The following SSBP2 variants were observed in gnomAD, a reference collection of about 807,000 sequenced individuals.
The protein encoded by SSBP2 is single stranded DNA binding protein 2.
In SSBP2, 17 loss-of-function variants were observed where a neutral mutation model predicts 61.8. The observed-to-expected ratio is 0.28, with a 90% CI of 0.19 to 0.41. SSBP2 has a LOEUF of 0.41. Ranked by LOEUF, SSBP2 falls within the 10% of genes least tolerant of loss-of-function variation. SSBP2 has a pLI of 1.00. For missense variants in SSBP2, 310 were observed against 458.7 expected, an observed-to-expected ratio of 0.68 and a Z score of 2.96; for synonymous variants, 139 against 141.3, an observed-to-expected ratio of 0.98 and a Z score of 0.12.
intron 4 of SSBP2, among the ~76,000 whole-genome samples, chr5:81,535,143 A>AT (rs1324171100): frequency 2.6e-5 from 4 of 152,088 alleles, no homozygotes; most frequent in Non-Finnish European, 5.9e-5. Context: ...AACAAACAAA[A>AT]TTTGACATAA....
At chr5:81,488,081 T>C (rs950242799) in intron 6 of SSBP2, among the ~76,000 whole-genome samples, 14 of 123,636 alleles carry the variant, frequency 1.1e-4, no homozygotes, top group Non-Finnish European at 2.0e-4. Flanking sequence ...ATATATTATA[T>C]ATATACACAC....
At chr5:81,584,099 A>G (rs1352020426) in intron 4 of SSBP2, among the ~76,000 whole-genome samples, 3 of 152,200 alleles carry the variant, frequency 2.0e-5, no homozygotes, top group South Asian at 2.1e-4. Context: ...TGGAGAGAAG[A>G]CAATAAATTA....
chr5:81,721,283 G>A (rs1365169463), intron 1 of SSBP2, among the ~76,000 whole-genome samples: 1 of 151,878 alleles, frequency 6.6e-6, no homozygotes, highest in African/African-American at 2.4e-5. Context: ...AGAATCACAC[G>A]ACCTAAAAAT....
At chr5:81,708,288 T>C (rs1754537579) in intron 1 of SSBP2, among the ~76,000 whole-genome samples, 3 of 152,156 alleles carry the variant, frequency 2.0e-5, no homozygotes, top group Non-Finnish European at 4.4e-5. Flanking sequence ...ATGAAAGAGT[T>C]ATGCATATAG....
intron 5 of SSBP2, among the ~76,000 whole-genome samples, chr5:81,501,995 C>T (rs1011757468): frequency 1.3e-5 from 2 of 152,122 alleles, no homozygotes; most frequent in African/African-American, 4.8e-5. Flanking sequence ...TAAGAGCCAA[C>T]ATTTCACTCC....
At chr5:81,746,652 G>A (rs11957669) in intron 1 of SSBP2, among the ~76,000 whole-genome samples, 7,896 of 152,032 alleles carry the variant, frequency 0.052, 652 homozygotes, top group African/African-American at 0.18. Flanking sequence ...ATAAGCATAT[G>A]GTATTTGCTT....
chr5:81,601,730 A>G (rs951949148), intron 4 of SSBP2, among the ~76,000 whole-genome samples: 2 of 152,168 alleles, frequency 1.3e-5, no homozygotes, highest in African/African-American at 4.8e-5. Context: ...CATAATCACC[A>G]AAGCATCTTC....
intron 4 of SSBP2, among the ~76,000 whole-genome samples, chr5:81,614,098 C>A (rs562480268): frequency 1.3e-5 from 2 of 152,190 alleles, no homozygotes; most frequent in African/African-American, 4.8e-5. Flanking sequence ...CGGTGGCTCA[C>A]GCCTGTAATC....
intron 3 of SSBP2, among the ~76,000 whole-genome samples, chr5:81,636,201 T>C (rs779633670): frequency 2.0e-5 from 3 of 152,178 alleles, no homozygotes; most frequent in Non-Finnish European, 4.4e-5. Context: ...CACCAGAAAC[T>C]GATCATCCTG....
At chr5:81,698,326 T>G (rs1471953972) in intron 1 of SSBP2, among the ~76,000 whole-genome samples, 1 of 152,236 alleles carries the variant, frequency 6.6e-6, no homozygotes, top group Non-Finnish European at 1.5e-5. Context: ...ATCATTTTTA[T>G]CTGAATGTTC....
intron 4 of SSBP2, among the ~76,000 whole-genome samples, chr5:81,581,748 T>C (rs1394025418): frequency 6.6e-6 from 1 of 152,156 alleles, no homozygotes; most frequent in African/African-American, 2.4e-5. Context: ...CTCCTCAAAA[T>C]TTCCCACTTG....
chr5:81,544,145 G>A (rs1035256353), intron 4 of SSBP2, among the ~76,000 whole-genome samples: 15 of 152,128 alleles, frequency 9.9e-5, no homozygotes, highest in Non-Finnish European at 1.6e-4. Context: ...CGCCTCCCGG[G>A]TTCACGACAT....
intron 4 of SSBP2, among the ~76,000 whole-genome samples, chr5:81,609,702 C>T (rs2153583513): frequency 6.6e-6 from 1 of 152,356 alleles, no homozygotes; most frequent in South Asian, 2.1e-4. Context: ...GATTGAGAAG[C>T]TGTCTTCCCA....
chr5:81,508,199 C>T (rs180825728), intron 5 of SSBP2, among the ~76,000 whole-genome samples: 1 of 152,204 alleles, frequency 6.6e-6, no homozygotes, highest in Non-Finnish European at 1.5e-5. Context: ...CTTTATTCTA[C>T]AAAAACTGCC....
intron 11 of SSBP2, among the ~76,000 whole-genome samples, chr5:81,447,129 A>G (rs908449214): frequency 3.3e-5 from 5 of 152,232 alleles, no homozygotes; most frequent in Non-Finnish European, 5.9e-5. Flanking sequence ...CAAATTTCCA[A>G]AAACAATGAG....
intron 5 of SSBP2, among the ~76,000 whole-genome samples, chr5:81,499,397 T>C (rs1181676807): frequency 1.3e-5 from 2 of 152,338 alleles, no homozygotes; most frequent in East Asian, 3.9e-4. Flanking sequence ...GATGAGACTT[T>C]TCCTCAAGTC....
chr5:81,665,405 C>T (rs1023998797), intron 1 of SSBP2, among the ~76,000 whole-genome samples: 2 of 152,158 alleles, frequency 1.3e-5, no homozygotes. Flanking sequence ...ACTTCCTATC[C>T]TACACCCTTA....
At chr5:81,651,980 A>C (rs1024718783) in intron 1 of SSBP2, among the ~76,000 whole-genome samples, 1 of 152,210 alleles carries the variant, frequency 6.6e-6, no homozygotes, top group Non-Finnish European at 1.5e-5. Context: ...TGAAAAAAAA[A>C]CATAGACTCA....
At chr5:81,750,913 T>TGTGCGAGTGC in intron 1 of SSBP2, 68 bp downstream of exon 1, 1 of 1,499,702 alleles carries the variant, frequency 6.7e-7, no homozygotes, top group South Asian at 1.2e-5. Context: ...TCTCCCAGAG[T>TGTGCGAGTGC]GTGCGAGTGC....
Sources: gnomAD v4.1 joint callset for allele counts (sites outside exome capture counted in the v4.1 genomes callset) on GRCh38, gnomAD v4.1.1 for gene constraint, MANE v1.5 for transcripts, NCBI Gene and HGNC (gene_info 2026-07-23, HGNC 2026-07-21) for gene names.